CADM2: variants seen among roughly 807,000 people sequenced by gnomAD.
The protein encoded by CADM2 is cell adhesion molecule 2, also known as immunoglobulin superfamily member 4D.
CADM2 carries 12 observed loss-of-function variants against 49.8 expected under a neutral mutation model. The observed-to-expected ratio is 0.24, with a 90% CI of 0.15 to 0.39. The LOEUF is 0.39. Among genes scored for constraint, CADM2 ranks in the 10% least tolerant of loss-of-function variants. The pLI is 1.00. For synonymous variants in CADM2, 214 were observed against 175.4 expected (o/e 1.22, Z -1.74); for missense variants, 378 against 492.3 (o/e 0.77, Z 2.20).
intron 5 of CADM2, among the ~76,000 whole-genome samples, chr3:85,899,162 C>T (rs991623543): frequency 4.0e-5 from 6 of 150,964 alleles, no homozygotes; most frequent in Middle Eastern, 6.8e-3. Context: ...GACAGGGTTT[C>T]GTCATTTTGA....
intron 3 of CADM2, among the ~76,000 whole-genome samples, chr3:85,806,690 G>A (rs565611595): frequency 3.3e-5 from 5 of 152,120 alleles, no homozygotes; most frequent in South Asian, 4.2e-4. Context: ...AGCTGAGATC[G>A]CGCTACTGCA....
chr3:85,060,833 A>G (rs1301707287), intron 1 of CADM2, among the ~76,000 whole-genome samples: 2 of 152,158 alleles, frequency 1.3e-5, no homozygotes, highest in South Asian at 2.1e-4. Flanking sequence ...CTTAGAATTA[A>G]CAAGAATATT....
intron 5 of CADM2, among the ~76,000 whole-genome samples, chr3:85,892,009 G>A (rs1469571450): frequency 6.6e-6 from 1 of 152,144 alleles, no homozygotes; most frequent in African/African-American, 2.4e-5. Flanking sequence ...CTGAGATCTA[G>A]AGAGACAGAA....
chr3:85,896,883 C>A (rs1715287975), intron 5 of CADM2, among the ~76,000 whole-genome samples: 1 of 152,156 alleles, frequency 6.6e-6, no homozygotes. Context: ...AGATTAGAAT[C>A]ACCTCAGGTG....
chr3:85,660,414 G>T (rs993933382), intron 1 of CADM2, among the ~76,000 whole-genome samples: 5 of 149,958 alleles, frequency 3.3e-5, no homozygotes, highest in African/African-American at 1.2e-4. Flanking sequence ...CAGATCAAAG[G>T]AATTTATTAG....
chr3:84,961,618 G>C (rs1206815245), intron 1 of CADM2, among the ~76,000 whole-genome samples: 1 of 152,144 alleles, frequency 6.6e-6, no homozygotes, highest in Non-Finnish European at 1.5e-5. Flanking sequence ...TGCTGTGTGT[G>C]TGTGTATGTG....
intron 8 of CADM2, among the ~76,000 whole-genome samples, chr3:86,000,496 T>C (rs1158399519): frequency 6.6e-6 from 1 of 152,076 alleles, no homozygotes; most frequent in African/African-American, 2.4e-5. Flanking sequence ...AAGTAATCTT[T>C]AAAATATATA....
intron 1 of CADM2, among the ~76,000 whole-genome samples, chr3:85,481,299 A>G (rs2039200457): frequency 6.6e-6 from 1 of 150,800 alleles, no homozygotes; most frequent in Admixed American, 6.7e-5. Flanking sequence ...GTGTGATCAA[A>G]ATAAGTCAAA....
chr3:85,671,570 G>A (rs577965668), intron 1 of CADM2, among the ~76,000 whole-genome samples: 3 of 152,158 alleles, frequency 2.0e-5, no homozygotes, highest in Non-Finnish European at 2.9e-5. Flanking sequence ...CCAATTCATC[G>A]CAGTACCTTT....
chr3:85,521,753 G>A (rs577697073), intron 1 of CADM2, among the ~76,000 whole-genome samples: 5 of 152,010 alleles, frequency 3.3e-5, no homozygotes, highest in East Asian at 1.9e-4. Context: ...GACGGGTGAG[G>A]GAATTGTGGC....
intron 1 of CADM2, among the ~76,000 whole-genome samples, chr3:85,263,052 G>A (rs2043046556): frequency 6.6e-6 from 1 of 151,958 alleles, no homozygotes; most frequent in African/African-American, 2.4e-5. Flanking sequence ...TAGTGCAGTG[G>A]CGCGATCTCA....
chr3:85,305,973 A>G (rs550692768), intron 1 of CADM2, among the ~76,000 whole-genome samples: 3 of 151,800 alleles, frequency 2.0e-5, no homozygotes, highest in South Asian at 4.1e-4. Context: ...GCTCTTGCCA[A>G]TCATGACCAA....
chr3:85,736,791 G>GA (rs982169000), intron 2 of CADM2, among the ~76,000 whole-genome samples: 5 of 152,198 alleles, frequency 3.3e-5, no homozygotes, highest in Non-Finnish European at 5.9e-5. Flanking sequence ...GGCTGCTCAT[G>GA]AAAAAACAGA....
At chr3:86,062,041 T>C (rs1307278066) in intron 8 of CADM2, among the ~76,000 whole-genome samples, 1 of 152,116 alleles carries the variant, frequency 6.6e-6, no homozygotes, top group Admixed American at 6.5e-5. Flanking sequence ...ACAATATTTA[T>C]CAAAAGCCTT....
chr3:85,654,578 G>A (rs1294126675), intron 1 of CADM2, among the ~76,000 whole-genome samples: 2 of 152,192 alleles, frequency 1.3e-5, no homozygotes, highest in Admixed American at 1.3e-4. Flanking sequence ...ATAGTGAGTA[G>A]AAGATCCAGA....
At chr3:84,990,100 T>A (rs1447887055) in intron 1 of CADM2, among the ~76,000 whole-genome samples, 1 of 151,738 alleles carries the variant, frequency 6.6e-6, no homozygotes, top group African/African-American at 2.4e-5. Context: ...TCCCATTATA[T>A]TTAATAAAAC....
At chr3:85,763,165 C>T (rs897117332) in intron 2 of CADM2, among the ~76,000 whole-genome samples, 1 of 152,124 alleles carries the variant, frequency 6.6e-6, no homozygotes, top group Non-Finnish European at 1.5e-5. Context: ...ACTCTGCTGA[C>T]AGTTTGGATG....
intron 1 of CADM2, among the ~76,000 whole-genome samples, chr3:85,018,067 G>A (rs1576043433): frequency 6.6e-6 from 1 of 152,096 alleles, no homozygotes; most frequent in Non-Finnish European, 1.5e-5. Context: ...GACAGAAATA[G>A]ACATTTTCAC....
At chr3:85,675,519 A>G (rs920225954) in intron 1 of CADM2, among the ~76,000 whole-genome samples, 2 of 152,162 alleles carry the variant, frequency 1.3e-5, no homozygotes, top group Non-Finnish European at 2.9e-5. Context: ...AAGCTAAGTG[A>G]TCTGTATGGG....
Sources: allele counts gnomAD v4.1 joint callset (sites outside exome capture counted in the v4.1 genomes callset), GRCh38; gene constraint gnomAD v4.1.1; transcripts MANE v1.5; gene names NCBI Gene and HGNC (gene_info 2026-07-23, HGNC 2026-07-21).